Variants in NEGR1 observed in about 807,000 individuals in gnomAD.
NEGR1 encodes the protein IgLON family member 4.
NEGR1 carries 10 observed loss-of-function variants against 40.9 expected under a neutral mutation model. That is an observed-to-expected ratio of 0.24 (90% CI 0.15 to 0.42). The LOEUF (loss-of-function observed/expected upper bound fraction) is 0.42. Among genes scored for constraint, NEGR1 ranks in the 10% least tolerant of loss-of-function variants. The pLI is 1.00. For missense variants in NEGR1, 352 were observed against 438.9 expected, an observed-to-expected ratio of 0.80 and a Z score of 1.77; for synonymous variants, 185 against 166.8, an observed-to-expected ratio of 1.11 and a Z score of -0.84.
intron 2 of NEGR1, among the ~76,000 whole-genome samples, chr1:71,905,791 A>G (rs1441228401): frequency 1.3e-5 from 2 of 151,832 alleles, no homozygotes; most frequent in African/African-American, 4.8e-5. Context: ...CATTATTCCT[A>G]TAGGTCAGTA....
chr1:71,647,955 A>G (rs1253583324), intron 4 of NEGR1, among the ~76,000 whole-genome samples: 2 of 152,018 alleles, frequency 1.3e-5, no homozygotes, highest in Non-Finnish European at 2.9e-5. Flanking sequence ...CCACAAAAGC[A>G]TAAACAGTAA....
chr1:71,994,345 G>C (rs1333835589), intron 1 of NEGR1, among the ~76,000 whole-genome samples: 1 of 151,938 alleles, frequency 6.6e-6, no homozygotes, highest in Non-Finnish European at 1.5e-5. Flanking sequence ...TGGCTAACAC[G>C]GTGAAACCCT....
chr1:72,038,386 G>T (rs1646923133), intron 1 of NEGR1, among the ~76,000 whole-genome samples: 1 of 151,974 alleles, frequency 6.6e-6, no homozygotes, highest in Admixed American at 6.6e-5. Context: ...CTCATAAGAA[G>T]TTCATATTTC....
chr1:71,788,820 G>T (rs929724274), intron 2 of NEGR1, among the ~76,000 whole-genome samples: 1 of 151,892 alleles, frequency 6.6e-6, no homozygotes, highest in Non-Finnish European at 1.5e-5. Flanking sequence ...TATTCATTTG[G>T]TTAGAAAATG....
intron 1 of NEGR1, among the ~76,000 whole-genome samples, chr1:72,122,635 T>C (rs1279738545): frequency 1.3e-5 from 2 of 151,952 alleles, no homozygotes; most frequent in Admixed American, 1.3e-4. Flanking sequence ...TTCTTAGGGA[T>C]TGCACAATGA....
intron 2 of NEGR1, among the ~76,000 whole-genome samples, chr1:71,882,769 A>C (rs1660617580): frequency 6.7e-6 from 1 of 149,532 alleles, no homozygotes; most frequent in Non-Finnish European, 1.5e-5. Context: ...CCAAGGATTT[A>C]ATTTCAGTAG....
rs183756767 is a variant in NEGR1, at chr1:72,250,137, T to C, written c.176+32182A>G. Among the ~76,000 whole-genome samples the C allele has an allele frequency of 1.8e-4, 28 of 152,284 alleles. 1 individual carries two copies. Among genetic ancestry groups the C allele is most frequent in the Admixed American group, 1.6e-3 (24 of 15,290 alleles). ...CAATTGAAGACTATCAGAGCAATTATTGAGTTTTCCCAAAGAAGAAGAAAT... is the reference window on the plus strand; with the variant it reads ...CAATTGAAGACTATCAGAGCAATTACTGAGTTTTCCCAAAGAAGAAGAAAT... On this transcript the variant is annotated intron_variant, in intron 1 of 6. Coordinates refer to ENST00000357731, the MANE Select transcript of NEGR1 (RefSeq NM_173808.3).
At chr1:72,006,566 T>C (rs1646608811) in intron 1 of NEGR1, among the ~76,000 whole-genome samples, 1 of 152,172 alleles carries the variant, frequency 6.6e-6, no homozygotes, top group Non-Finnish European at 1.5e-5. Flanking sequence ...TACAGATCCA[T>C]TATGCATTTT....
chr1:71,782,948 G>A (rs72678955), intron 2 of NEGR1, among the ~76,000 whole-genome samples: 1 of 150,650 alleles, frequency 6.6e-6, no homozygotes, highest in East Asian at 1.9e-4. Context: ...TTAACAGAAT[G>A]GTCTGTCACA....
At chr1:71,609,376 G>A (rs1271991274) in intron 5 of NEGR1, among the ~76,000 whole-genome samples, 3 of 150,734 alleles carry the variant, frequency 2.0e-5, no homozygotes, top group Non-Finnish European at 3.0e-5. Context: ...TAAGCCGGGC[G>A]TGGTGGCGGG....
chr1:72,190,307 T>TAA (rs1652774524), intron 1 of NEGR1, among the ~76,000 whole-genome samples: 1 of 151,628 alleles, frequency 6.6e-6, no homozygotes, highest in Admixed American at 6.6e-5. Context: ...TACTTGTGTG[T>TAA]ATATATGTTT....
chr1:72,146,544 T>C (rs11587829), intron 1 of NEGR1, among the ~76,000 whole-genome samples: 34,249 of 151,830 alleles, frequency 0.23, 4,431 homozygotes, highest in Non-Finnish European at 0.29. Context: ...GTCCCATATA[T>C]ACAAACTTTG....
chr1:72,193,483 CAA>C (rs1652894484), intron 1 of NEGR1, among the ~76,000 whole-genome samples: 1 of 151,530 alleles, frequency 6.6e-6, no homozygotes. Flanking sequence ...AATTATAAAA[CAA>C]GATTAGAGTG....
At chr1:71,777,091 G>A (rs567933404) in intron 2 of NEGR1, among the ~76,000 whole-genome samples, 17 of 152,142 alleles carry the variant, frequency 1.1e-4, no homozygotes, top group African/African-American at 3.6e-4. Flanking sequence ...GGGAAATGTT[G>A]GAGAGAAAAG....
chr1:71,469,711 T>C (rs1157753400), intron 6 of NEGR1, among the ~76,000 whole-genome samples: 2 of 152,104 alleles, frequency 1.3e-5, no homozygotes, highest in African/African-American at 4.8e-5. Context: ...TAGATCTTTC[T>C]CTAAAGAAGG....
chr1:71,407,028 A>G lies in NEGR1; in HGVS notation c.*418T>C, dbSNP rs1646282796. On this transcript the variant is annotated 3_prime_UTR_variant, in exon 7 of 7. Transcript: ENST00000357731. The stretch of plus-strand genomic sequence containing the variant: ...AAAAAATGCATCTTTGTAAATGTGG[A>G]TTGACTCTTATTGAAACAGGGAACT... The G allele has an allele frequency of 6.5e-6, 1 of 152,968 alleles. No homozygotes were observed. Among genetic ancestry groups the G allele is most frequent in the Non-Finnish European group, 1.5e-5 (1 of 68,276 alleles). 9.5% of individuals were successfully genotyped at this position (152,968 alleles called of 1,614,324 possible).
At chr1:71,622,570 A>G (rs1034911928) in intron 4 of NEGR1, among the ~76,000 whole-genome samples, 1 of 151,920 alleles carries the variant, frequency 6.6e-6, no homozygotes, top group Non-Finnish European at 1.5e-5. Context: ...TTCTACTTGT[A>G]TTAATCATTC....
intron 3 of NEGR1, among the ~76,000 whole-genome samples, chr1:71,754,912 A>C (rs1655682866): frequency 6.6e-6 from 1 of 152,114 alleles, no homozygotes; most frequent in Non-Finnish European, 1.5e-5. Context: ...AAATCTTCAG[A>C]TACTGGCCTT....
intron 2 of NEGR1, among the ~76,000 whole-genome samples, chr1:71,831,863 A>C (rs974029677): frequency 1.3e-5 from 2 of 151,784 alleles, no homozygotes; most frequent in Admixed American, 6.6e-5. Context: ...TGTGGTGTCT[A>C]TGGAGCACTG....
Sources: gnomAD v4.1 joint callset for allele counts (sites outside exome capture counted in the v4.1 genomes callset) on GRCh38, gnomAD v4.1.1 for gene constraint, MANE v1.5 for transcripts, NCBI Gene and HGNC (gene_info 2026-07-23, HGNC 2026-07-21) for gene names.